The following IMPDH1 variants were observed in gnomAD, a reference collection of about 807,000 sequenced individuals.
IMPDH1 encodes the protein inosine-5'-monophosphate dehydrogenase 1.
A neutral mutation model predicts 73.5 loss-of-function variants in IMPDH1; 41 were observed. The ratio of observed to expected loss-of-function variants is 0.56; its 90% CI spans 0.43 to 0.72. The LOEUF (loss-of-function observed/expected upper bound fraction) is 0.72, where lower values mean the gene tolerates loss of function less well. IMPDH1 is among the 30% of genes least tolerant of loss of function. The pLI is 0.00. For synonymous variants in IMPDH1, 318 were observed against 334.3 expected (o/e 0.95, Z 0.53); for missense variants, 645 against 824.8 (o/e 0.78, Z 2.67).
rs1179532083 is a variant in IMPDH1 at position 128,396,124 on chromosome 7, G to C, written c.1261+476C>G. Among the ~76,000 whole-genome samples the C allele has an allele frequency of 6.6e-6, 1 of 152,124 alleles. No homozygotes were observed. Among genetic ancestry groups the C allele is most frequent in the African/African-American group, 2.4e-5 (1 of 41,402 alleles). On this transcript the variant is annotated intron_variant, in intron 12 of 16. Coordinates refer to ENST00000338791, the MANE Select transcript of IMPDH1 (RefSeq NM_000883.4). The surrounding 1 kb of genome is among the most constrained non-coding windows in gnomAD (Gnocchi z 4.0). ...GCACCTCCTCAATAACCACATGGGG[G>C]ACACATGCCAGGCTCCCCCCTTCCC... is the stretch of plus-strand genomic sequence containing the variant.
At chr7:128,407,119 GTCC>G (rs1798827880) in intron 3 of IMPDH1, among the ~76,000 whole-genome samples, 1 of 152,204 alleles carries the variant, frequency 6.6e-6, no homozygotes, top group East Asian at 1.9e-4. Flanking sequence ...TCCTCCCTGT[GTCC>G]TCCTGTGGCT....
At chr7:128,405,392 G>T (rs896105334) in intron 4 of IMPDH1, among the ~76,000 whole-genome samples, 1 of 152,198 alleles carries the variant, frequency 6.6e-6, no homozygotes, top group Admixed American at 6.5e-5. Context: ...GCTTGGCTCC[G>T]GGGACCCTCT....
intron 4 of IMPDH1, among the ~76,000 whole-genome samples, chr7:128,404,925 G>A (rs1456391355): frequency 1.3e-5 from 2 of 152,312 alleles, no homozygotes; most frequent in East Asian, 3.9e-4. Context: ...AGGAGTGACT[G>A]GGTATCCTGG....
rs925252667 is a variant in IMPDH1, at chr7:128,400,193, AG to A, written c.787-12del. 8.1e-6 allele frequency: 13 copies of A among 1,614,122 alleles called. No homozygotes were observed. The highest frequency in any genetic ancestry group is 1.1e-5 in the Non-Finnish European group (13 of 1,180,010). On this transcript the variant is annotated splice_polypyrimidine_tract_variant and intron_variant, in intron 8 of 16. Coordinates refer to ENST00000338791, the MANE Select transcript of IMPDH1 (RefSeq NM_000883.4). Reference sequence around the variant, plus strand: ...CCTTGGCGTCATCACCTGTGGGGCCAGGAACATTTGCCTGCAGGTTGGCAGG... The same window carrying A: ...CCTTGGCGTCATCACCTGTGGGGCCAGAACATTTGCCTGCAGGTTGGCAGG...
intron 3 of IMPDH1, among the ~76,000 whole-genome samples, chr7:128,406,898 A>C (rs773161519): frequency 1.3e-5 from 2 of 152,066 alleles, no homozygotes; most frequent in African/African-American, 2.4e-5. Flanking sequence ...GGGGCTAGGG[A>C]ACTTCTGAAA....
In IMPDH1 at chr7:128,401,066, G is replaced by T. The variant is rs762700656; in HGVS notation, c.453C>A (p.Ile151=). The T allele has an allele frequency of 1.9e-6, 3 of 1,614,124 alleles. No homozygotes were observed. The Admixed American group carries it at 5.0e-5, about 27-fold the overall frequency. ...CTGTCACAGTGTCCATGGGGGAGGA[G>T]ATCAGTGGCGTCTTCAGCGTGATCT... ...TRKITLKTPL[I]SSPMDTVTEA... is the part of the protein sequence containing the mutation. The change falls in exon 6 of 17, where the codon ATC becomes ATA. Residue 151 remains isoleucine (I), a synonymous_variant. Transcript: ENST00000338791.
chr7:128,400,706 G>A, intron 7 of IMPDH1, 111 bp downstream of exon 7: 1 of 1,189,560 alleles, frequency 8.4e-7, no homozygotes, highest in African/African-American at 1.5e-5. Context: ...TCCACTGAGA[G>A]GAAGGACACG....
At chr7:128,397,113 T>C in intron 10 of IMPDH1, 91 bp from the exon 11 acceptor site, 5 of 850,448 alleles carry the variant, frequency 5.9e-6, no homozygotes, top group South Asian at 1.3e-5. Flanking sequence ...CCTCAAATCC[T>C]ATGAAAACTG....
chr7:128,396,835 C>T lies in IMPDH1; in HGVS notation c.1165+97G>A, dbSNP rs1160913854. The T allele has an allele frequency of 5.5e-5, 64 of 1,170,896 alleles. No homozygotes were observed. The South Asian group carries it at 6.2e-4, about 11-fold the overall frequency. The allele number at this position is 1,170,896 out of a possible 1,614,324, so 72.5% of individuals were successfully genotyped here. On this transcript the variant is annotated intron_variant, in intron 11 of 16. Transcript: ENST00000338791. This position sits in a 1 kb window ranked among gnomAD's most constrained non-coding sequence, Gnocchi z 4.0. ...CCATCATGCTCCCTGCCACCCATGC[C>T]AGGAGCCATACCATCACCTAGGGAT...
intron 3 of IMPDH1, 111 bp from the exon 4 acceptor site, chr7:128,405,976 G>T: frequency 1.2e-6 from 1 of 865,808 alleles, no homozygotes; most frequent in Non-Finnish European, 1.4e-6. Context: ...CTGCTGCCGC[G>T]GGCCGGGCGG....
Position 128,395,008 on chromosome 7 carries a change from G to A in IMPDH1, c.1431C>T (p.Ala477=). 1.2e-6 allele frequency: 2 copies of A among 1,614,042 alleles called. No individual in the cohort carries two copies. The highest frequency in any genetic ancestry group is 1.7e-6 in the Non-Finnish European group (2 of 1,180,022). The change falls in exon 14 of 17, where the codon GCC becomes GCT. Residue 477 remains alanine (A), a synonymous_variant. Coordinates refer to ENST00000338791, the MANE Select transcript of IMPDH1 (RefSeq NM_000883.4). The part of the protein sequence containing the change: ...STVMMGSLLA[A]TTEAPGEYFF... Reference sequence around the variant, plus strand: ...AGTACTCGCCAGGGGCCTCCGTAGTGGCGGCCAGCAGGGAGCCCATCATCA... The same window carrying A: ...AGTACTCGCCAGGGGCCTCCGTAGTAGCGGCCAGCAGGGAGCCCATCATCA...
rs1214597112 is a variant in IMPDH1, at chr7:128,398,816, T to C, written c.875-203A>G. ...AAGGAACAGGGAGCAAAGAAATCTT[T>C]CAGCCCAGCAGGTTCCTGGGGGTCT... On this transcript the variant is annotated intron_variant, in intron 9 of 16. Transcript: ENST00000338791. The surrounding 1 kb of genome is among the most constrained non-coding windows in gnomAD (Gnocchi z 4.3). Among the ~76,000 whole-genome samples, 1 of 152,136 alleles carries C rather than the reference T, an allele frequency of 6.6e-6. No homozygotes were observed. The highest frequency in any genetic ancestry group is 1.5e-5 in the Non-Finnish European group (1 of 68,008).
intron 13 of IMPDH1, 43 bp from the exon 14 acceptor site, chr7:128,395,076 A>AC (rs72624966): frequency 3.9e-5 from 63 of 1,612,704 alleles, no homozygotes; most frequent in Admixed American, 1.3e-4. Context: ...CACTAGTGCC[A>AC]CCCCCCCAGC....
chr7:128,402,861 G>A (rs771125990), intron 5 of IMPDH1, among the ~76,000 whole-genome samples: 21 of 152,180 alleles, frequency 1.4e-4, no homozygotes, highest in Non-Finnish European at 2.9e-4. Flanking sequence ...GCCCCTCTGG[G>A]AAAGCAAGGC....
intron 1 of IMPDH1, 24 bp downstream of exon 1, chr7:128,409,732 C>T (rs1362843793): frequency 6.6e-7 from 1 of 1,525,730 alleles, no homozygotes; most frequent in Admixed American, 2.0e-5. Context: ...GGATGCGCCC[C>T]GCGCGCTCTG....
Position 128,405,933 on chromosome 7 carries a change from T to C in IMPDH1, c.255-68A>G, listed in dbSNP as rs1186755670. 8.0e-6 allele frequency: 11 copies of C among 1,373,112 alleles called. No homozygotes were observed. In the East Asian group the frequency reaches 1.5e-4, roughly 18 times the overall value. The allele number at this position is 1,373,112 out of a possible 1,614,324, so 85.1% of individuals were successfully genotyped here. A position where few individuals can be genotyped will look rare whatever the true frequency, so the allele number is the denominator to read the frequency against. On this transcript the variant is annotated intron_variant, in intron 3 of 16. Transcript: ENST00000338791. ...CGCCCGCCGCTGCCGCCGCTGCTGCTGCTGCTACTGCTGACGCCGCGCCGC... is the reference window on the plus strand; with the variant it reads ...CGCCCGCCGCTGCCGCCGCTGCTGCCGCTGCTACTGCTGACGCCGCGCCGC...
At chr7:128,403,794 GTGCCCCAAAGGGGCAGAGCCTGCCA>G in intron 4 of IMPDH1, 40 bp from the exon 5 acceptor site, 2 of 1,583,384 alleles carry the variant, frequency 1.3e-6, no homozygotes, top group East Asian at 4.5e-5. Context: ...GTGGGGAGGG[GTGCCCCAAAGGGGCAGAGCCTGCCA>G]TGCCAGAGGA....
rs1042271 is a variant in IMPDH1, at chr7:128,392,754, G to T, written c.*253C>A. ...AAGAAAGACCTGAGGCAGGCGCAGG[G>T]CCTGAGAGCCTGGCTGGCTGGGCTC... is the stretch of plus-strand genomic sequence containing the variant. On this transcript the variant is annotated 3_prime_UTR_variant, in exon 17 of 17. Coordinates refer to ENST00000338791, the MANE Select transcript of IMPDH1 (RefSeq NM_000883.4). The T allele has an allele frequency of 3.7e-6, 2 of 536,630 alleles. No individual in the cohort carries two copies. The highest frequency in any genetic ancestry group is 2.2e-5 in the South Asian group (1 of 46,140). 33.2% of individuals were successfully genotyped at this position (536,630 alleles called of 1,614,324 possible).
chr7:128,408,825 G>A (rs1798947433), intron 3 of IMPDH1, among the ~76,000 whole-genome samples: 1 of 152,196 alleles, frequency 6.6e-6, no homozygotes, highest in Non-Finnish European at 1.5e-5. Flanking sequence ...CTAAGCCTGA[G>A]TCAATTCTAG....
Sources: allele counts gnomAD v4.1 joint callset (sites outside exome capture counted in the v4.1 genomes callset), GRCh38; gene constraint gnomAD v4.1.1; non-coding constraint Gnocchi (gnomAD v3.1); transcripts MANE v1.5; gene names NCBI Gene and HGNC (gene_info 2026-07-23, HGNC 2026-07-21).